RANBP2: variants seen among roughly 807,000 people sequenced by gnomAD.
The protein encoded by RANBP2 is E3 SUMO-protein ligase RanBP2.
RANBP2 carries 57 observed loss-of-function variants against 303.6 expected under a neutral mutation model. The observed-to-expected ratio is 0.19, with a 90% CI of 0.15 to 0.23. RANBP2 has a LOEUF of 0.23. RANBP2 is among the 10% of genes least tolerant of loss of function. The pLI is 1.00. For missense variants in RANBP2, 3,138 were observed against 3,780.8 expected, an observed-to-expected ratio of 0.83 and a Z score of 4.46; for synonymous variants, 1,167 against 1,301.5, an observed-to-expected ratio of 0.90 and a Z score of 2.23.
At chr2:108,929,389 G>A in the RANBP2 span, 8 of 1,613,912 alleles carry the variant, frequency 5.0e-6, no homozygotes, top group South Asian at 6.6e-5. Context: ...ACTGTCCAGG[G>A]AAAGAGGACA....
the RANBP2 span, among the ~76,000 whole-genome samples, chr2:109,069,519 G>C: frequency 6.6e-6 from 1 of 152,236 alleles, no homozygotes; most frequent in African/African-American, 2.4e-5. Flanking sequence ...TCTCCTGACA[G>C]ATAGCCTAAG....
At chr2:108,978,573 GT>G in the RANBP2 span, among the ~76,000 whole-genome samples, 1,602 of 151,676 alleles carry the variant, frequency 0.011, 20 homozygotes, top group Middle Eastern at 0.02. Context: ...CCGAGGAAAA[GT>G]TTTTTTTTCT....
chr2:109,470,971 G>C, the RANBP2 span, among the ~76,000 whole-genome samples: 1 of 152,154 alleles, frequency 6.6e-6, no homozygotes, highest in Non-Finnish European at 1.5e-5. Flanking sequence ...TGTAATCCCA[G>C]CACTTTGAGA....
chr2:109,149,103 C>T, the RANBP2 span, among the ~76,000 whole-genome samples: 3 of 152,100 alleles, frequency 2.0e-5, no homozygotes, highest in East Asian at 1.9e-4. Flanking sequence ...AGACACTGTT[C>T]TGGGCTCTGG....
At chr2:109,352,864 G>A in the RANBP2 span, among the ~76,000 whole-genome samples, 1 of 152,254 alleles carries the variant, frequency 6.6e-6, no homozygotes, top group African/African-American at 2.4e-5. Flanking sequence ...ACAGCAAAGG[G>A]AGTTTGGATA....
the RANBP2 span, among the ~76,000 whole-genome samples, chr2:109,015,480 G>A: frequency 3.3e-5 from 5 of 151,964 alleles, no homozygotes; most frequent in African/African-American, 4.8e-5. Flanking sequence ...TATATAGGCC[G>A]GGCACAGTGG....
At chr2:108,728,579 C>A (rs1246049499) in intron 1 of RANBP2, among the ~76,000 whole-genome samples, 1 of 146,796 alleles carries the variant, frequency 6.8e-6, no homozygotes, top group East Asian at 2.0e-4. Context: ...GTGTGACCAA[C>A]TGCACCCAGC....
chr2:109,642,704 GA>G, the RANBP2 span, among the ~76,000 whole-genome samples: 1 of 151,986 alleles, frequency 6.6e-6, no homozygotes, highest in South Asian at 2.1e-4. Flanking sequence ...CTGAAGGTGA[GA>G]TATACAAACT....
the RANBP2 span, chr2:109,129,134 C>A: frequency 2.7e-6 from 1 of 368,658 alleles, no homozygotes. Context: ...CCCGGCCTCC[C>A]CGGGGACCTG....
the RANBP2 span, among the ~76,000 whole-genome samples, chr2:109,554,772 A>T: frequency 3.3e-5 from 5 of 152,206 alleles, no homozygotes; most frequent in East Asian, 9.6e-4. Flanking sequence ...AGGTACCAAT[A>T]TTTTTTTACA....
At chr2:109,490,088 A>G in the RANBP2 span, among the ~76,000 whole-genome samples, 4 of 152,066 alleles carry the variant, frequency 2.6e-5, no homozygotes, top group Admixed American at 2.6e-4. Context: ...GCCACTTTAC[A>G]AGGTTATCTT....
chr2:109,048,553 G>T, the RANBP2 span, among the ~76,000 whole-genome samples: 1 of 152,156 alleles, frequency 6.6e-6, no homozygotes, highest in East Asian at 1.9e-4. Flanking sequence ...TAATTGAATT[G>T]CAGGGAGTGC....
the RANBP2 span, among the ~76,000 whole-genome samples, chr2:108,908,907 T>TG: frequency 6.6e-6 from 1 of 152,046 alleles, no homozygotes; most frequent in Non-Finnish European, 1.5e-5. Context: ...GAAGCCCCAG[T>TG]GGGACCCACT....
At chr2:109,004,994 C>T in the RANBP2 span, among the ~76,000 whole-genome samples, 9 of 152,290 alleles carry the variant, frequency 5.9e-5, no homozygotes, top group Admixed American at 5.2e-4. Flanking sequence ...TTTCTCTTCT[C>T]CCTCTTCCAC....
the RANBP2 span, among the ~76,000 whole-genome samples, chr2:109,708,291 T>C: frequency 6.7e-6 from 1 of 149,990 alleles, no homozygotes; most frequent in African/African-American, 2.5e-5. Flanking sequence ...GCCTGGGAGG[T>C]TGAGGCTGCA....
At chr2:109,626,767 G>C in the RANBP2 span, among the ~76,000 whole-genome samples, 2 of 152,214 alleles carry the variant, frequency 1.3e-5, no homozygotes, top group Non-Finnish European at 2.9e-5. Context: ...CTGCCAAGCT[G>C]CCTTGCAGAT....
the RANBP2 span, among the ~76,000 whole-genome samples, chr2:109,276,309 A>G: frequency 6.6e-6 from 1 of 152,220 alleles, no homozygotes; most frequent in African/African-American, 2.4e-5. Flanking sequence ...TTAGATGGAT[A>G]TGGGATTTGT....
At chr2:109,700,727 T>C in the RANBP2 span, among the ~76,000 whole-genome samples, 1 of 152,076 alleles carries the variant, frequency 6.6e-6, no homozygotes, top group Non-Finnish European at 1.5e-5. Context: ...GGCAGTCTTA[T>C]GGGAGATGCT....
the RANBP2 span, among the ~76,000 whole-genome samples, chr2:109,333,171 G>T: frequency 1.3e-5 from 2 of 152,192 alleles, no homozygotes; most frequent in Admixed American, 6.5e-5. Context: ...GCAGCACCAG[G>T]CCTGCACCTC....
Sources: gnomAD v4.1 joint callset for allele counts (sites outside exome capture counted in the v4.1 genomes callset) on GRCh38, gnomAD v4.1.1 for gene constraint, MANE v1.5 for transcripts, NCBI Gene and HGNC (gene_info 2026-07-23, HGNC 2026-07-21) for gene names.